The following CTTNBP2NL variants were observed in gnomAD, a reference collection of about 807,000 sequenced individuals.
The protein encoded by CTTNBP2NL is CTTNBP2 N-terminal like.
A neutral mutation model predicts 32.5 loss-of-function variants in CTTNBP2NL; 16 were observed. The ratio of observed to expected loss-of-function variants is 0.49; its 90% confidence interval spans 0.33 to 0.75. The LOEUF is 0.75. Among genes scored for constraint, CTTNBP2NL ranks in the 30% least tolerant of loss-of-function variants. The pLI is 0.02. For synonymous variants in CTTNBP2NL, 298 were observed against 289.4 expected (o/e 1.03, Z -0.30); for missense variants, 645 against 756.0 (o/e 0.85, Z 1.72).
At chr1:112,423,980 C>T (rs1457759101) in intron 3 of CTTNBP2NL, among the ~76,000 whole-genome samples, 1 of 152,202 alleles carries the variant, frequency 6.6e-6, no homozygotes, top group Non-Finnish European at 1.5e-5. Context: ...GCCTCAGCCT[C>T]CCAAAGTGCT....
chr1:112,442,109 A>C (rs995009483), intron 3 of CTTNBP2NL, among the ~76,000 whole-genome samples: 2 of 152,094 alleles, frequency 1.3e-5, no homozygotes, highest in African/African-American at 4.8e-5. Context: ...TGCTCTAAAA[A>C]ATAATGTTTT....
Position 112,460,653 on chromosome 1 carries a change from A to G in CTTNBP2NL, c.*3241A>G, listed in dbSNP as rs1650523644. ...ATCTTGTTCTGCTCTCTCATTTTAC[A>G]AATGATTAATGCATCCCTTTTCAAC... On this transcript the variant is annotated 3_prime_UTR_variant, in exon 6 of 6. Coordinates refer to ENST00000271277, the MANE Select transcript of CTTNBP2NL (RefSeq NM_018704.3). The G allele has an allele frequency of 6.6e-6, 1 of 152,226 alleles. No individual in the cohort carries two copies. The highest frequency in any genetic ancestry group is 2.4e-5 in the African/African-American group (1 of 41,464). The allele number at this position is 152,226 out of a possible 1,614,324, so 9.4% of individuals were successfully genotyped here.
chr1:112,412,685 C>T (rs1200400008), intron 2 of CTTNBP2NL, among the ~76,000 whole-genome samples: 3 of 126,128 alleles, frequency 2.4e-5, no homozygotes, highest in Non-Finnish European at 4.6e-5. Context: ...GGCGTGATTT[C>T]GGCTCACTGC....
At chr1:112,434,443 C>A (rs1307024815) in intron 3 of CTTNBP2NL, among the ~76,000 whole-genome samples, 3 of 152,122 alleles carry the variant, frequency 2.0e-5, no homozygotes, top group African/African-American at 7.2e-5. Flanking sequence ...CCTGTTGGCT[C>A]TTCTCCAGAG....
intron 3 of CTTNBP2NL, among the ~76,000 whole-genome samples, chr1:112,442,275 G>A (rs989312012): frequency 4.6e-5 from 7 of 152,176 alleles, no homozygotes; most frequent in Admixed American, 2.0e-4. Context: ...GGCATGTGCC[G>A]CCATGCCTGG....
intron 3 of CTTNBP2NL, among the ~76,000 whole-genome samples, chr1:112,429,642 A>G (rs1293713930): frequency 6.6e-6 from 1 of 152,208 alleles, no homozygotes; most frequent in Non-Finnish European, 1.5e-5. Context: ...AATGAAGTAT[A>G]TGTGTAAAGA....
rs145752716 is a variant in CTTNBP2NL, at chr1:112,446,639, A to C, written c.100-2303A>C. ...ATAATCAGAGCTCATAGCAGCCTAG[A>C]TCCTAGGCTCAACCAATCCTCCTGC... On this transcript the variant is annotated intron_variant, in intron 3 of 5. Coordinates refer to ENST00000271277, the MANE Select transcript of CTTNBP2NL (RefSeq NM_018704.3). Among the ~76,000 whole-genome samples, 527 of 152,266 alleles carry C rather than the reference A, an allele frequency of 3.5e-3. 3 individuals carry two copies. The highest frequency in any genetic ancestry group is 0.012 in the African/African-American group (490 of 41,560).
At chr1:112,417,031 G>T (rs1177812) in intron 3 of CTTNBP2NL, among the ~76,000 whole-genome samples, 94,829 of 151,958 alleles carry the variant, frequency 0.62, 29,824 homozygotes, top group South Asian at 0.71. Context: ...CCTATTGTTA[G>T]TCTCACTTCT....
chr1:112,415,147 C>T lies in CTTNBP2NL; in HGVS notation c.-9-1010C>T, dbSNP rs1007512571. ...TTGAGGCTGCAGTGAGCCGTGTTTG[C>T]ACCACTACACTCCAGCCTGGGTGAC... is the stretch of plus-strand genomic sequence containing the variant. On this transcript the variant is annotated intron_variant, in intron 2 of 5. Coordinates refer to ENST00000271277, the MANE Select transcript of CTTNBP2NL (RefSeq NM_018704.3). Among the ~76,000 whole-genome samples the T allele has an allele frequency of 7.2e-5, 11 of 152,220 alleles. No individual in the cohort carries two copies. The East Asian group carries it at 2.1e-3, about 29-fold the overall frequency.
intron 1 of CTTNBP2NL, among the ~76,000 whole-genome samples, chr1:112,408,843 C>T (rs1298444908): frequency 1.3e-5 from 2 of 151,866 alleles, no homozygotes; most frequent in East Asian, 1.9e-4. Context: ...AGAGTATTTA[C>T]GGGCCGGGCA....
chr1:112,435,337 C>T (rs544387466), intron 3 of CTTNBP2NL, among the ~76,000 whole-genome samples: 67 of 151,722 alleles, frequency 4.4e-4, no homozygotes, highest in African/African-American at 1.6e-3. Flanking sequence ...TTATTTTTTT[C>T]ACTAAATGTA....
Position 112,456,557 on chromosome 1 carries a change from G to C in CTTNBP2NL, c.1065G>C (p.Glu355Asp). The C allele has an allele frequency of 6.2e-7, 1 of 1,614,174 alleles. No homozygotes were observed. Among genetic ancestry groups the C allele is most frequent in the Non-Finnish European group, 8.5e-7 (1 of 1,180,044 alleles). Residue 355 changes from glutamate (E) to aspartate (D), a missense_variant, in exon 6 of 6, where the codon GAG (glutamate) becomes GAC (aspartate). Glu to Asp is a conservative substitution (Grantham distance 45, BLOSUM62 2). Transcript: ENST00000271277. The stretch of plus-strand genomic sequence containing the variant: ...AAACCAATGGCCATTGTGACCCAGA[G>C]ATACAAACTACCAGGGAGCTGACTG... The part of the protein sequence containing the change: ...YAKTNGHCDP[E>D]IQTTRELTAG...
At chr1:112,405,577 C>T (rs114091265) in intron 1 of CTTNBP2NL, among the ~76,000 whole-genome samples, 4,509 of 152,220 alleles carry the variant, frequency 0.03, 229 homozygotes, top group African/African-American at 0.1. Context: ...GGATTACATG[C>T]GTGAGCCGCT....
intron 2 of CTTNBP2NL, among the ~76,000 whole-genome samples, chr1:112,412,913 C>T (rs538572020): frequency 1.3e-5 from 2 of 152,238 alleles, no homozygotes; most frequent in South Asian, 4.1e-4. Flanking sequence ...TGTGGGTAAC[C>T]ATGCCTAGCC....
intron 3 of CTTNBP2NL, among the ~76,000 whole-genome samples, chr1:112,440,694 CAT>C (rs1649868721): frequency 6.6e-6 from 1 of 152,200 alleles, no homozygotes; most frequent in African/African-American, 2.4e-5. Context: ...AATCAGCTAA[CAT>C]AGTCAGCACT....
chr1:112,418,593 C>T (rs943808755), intron 3 of CTTNBP2NL, among the ~76,000 whole-genome samples: 18 of 151,832 alleles, frequency 1.2e-4, no homozygotes, highest in Middle Eastern at 3.4e-3. Flanking sequence ...TCTTTATGAA[C>T]GTCTTTCCCT....
At chr1:112,432,142 C>T (rs572410090) in intron 3 of CTTNBP2NL, among the ~76,000 whole-genome samples, 1 of 132,604 alleles carries the variant, frequency 7.5e-6, no homozygotes, top group East Asian at 2.4e-4. Context: ...GGCATGATCT[C>T]AGCTCACTGC....
intron 3 of CTTNBP2NL, among the ~76,000 whole-genome samples, chr1:112,433,958 G>A (rs1479913515): frequency 3.3e-5 from 5 of 150,524 alleles, no homozygotes; most frequent in Non-Finnish European, 7.4e-5. Context: ...GGCTAGTCCC[G>A]AACTCCTGGG....
intron 1 of CTTNBP2NL, among the ~76,000 whole-genome samples, chr1:112,397,630 C>T (rs947253219): frequency 6.6e-6 from 1 of 152,200 alleles, no homozygotes; most frequent in African/African-American, 2.4e-5. Flanking sequence ...GTCTTCATTT[C>T]AGCAGGTGCA....
Sources: gnomAD v4.1 joint callset for allele counts (sites outside exome capture counted in the v4.1 genomes callset) on GRCh38, gnomAD v4.1.1 for gene constraint, MANE v1.5 for transcripts, NCBI Gene and HGNC (gene_info 2026-07-23, HGNC 2026-07-21) for gene names.